Variants in PDZD2 observed in about 807,000 individuals in gnomAD.
PDZD2 encodes PDZ domain-containing protein 2.
A neutral mutation model predicts 220.7 loss-of-function variants in PDZD2; 90 were observed. That is an observed-to-expected ratio of 0.41 (90% CI 0.34 to 0.49). The LOEUF is 0.49. Ranked by LOEUF, PDZD2 falls within the 20% of genes least tolerant of loss-of-function variation. The pLI is 0.28. For missense variants in PDZD2, 3,174 were observed against 3,608.5 expected (o/e 0.88, Z 3.08); for synonymous variants, 1,375 against 1,450.5 (o/e 0.95, Z 1.18).
chr5:32,019,926 T>C (rs565869662), intron 6 of PDZD2, among the ~76,000 whole-genome samples: 1 of 152,222 alleles, frequency 6.6e-6, no homozygotes, highest in Non-Finnish European at 1.5e-5. Context: ...CTCACCCCTG[T>C]TCCAAATTTT....
At chr5:31,648,758 CT>C (rs1254239787) in intron 1 of PDZD2, among the ~76,000 whole-genome samples, 1 of 151,962 alleles carries the variant, frequency 6.6e-6, no homozygotes, top group Admixed American at 6.6e-5. Context: ...CCTCTTGCCC[CT>C]ACACATGCAG....
intron 2 of PDZD2, among the ~76,000 whole-genome samples, chr5:31,850,554 T>C (rs192170830): frequency 4.6e-5 from 7 of 151,746 alleles, no homozygotes; most frequent in Non-Finnish European, 8.8e-5. Context: ...GATTGCACAG[T>C]GTTATCAGAT....
intron 8 of PDZD2, among the ~76,000 whole-genome samples, chr5:32,049,808 A>G (rs1270187448): frequency 6.6e-6 from 1 of 152,202 alleles, no homozygotes; most frequent in Non-Finnish European, 1.5e-5. Flanking sequence ...GAGTAAAAGC[A>G]GAGAAAAAAC....
intron 1 of PDZD2, among the ~76,000 whole-genome samples, chr5:31,774,226 G>C (rs1389754973): frequency 1.3e-5 from 2 of 152,100 alleles, no homozygotes; most frequent in African/African-American, 4.8e-5. Context: ...TAGGTGGGTA[G>C]TTCAGATTTG....
intron 2 of PDZD2, among the ~76,000 whole-genome samples, chr5:31,880,000 G>A (rs79585565): frequency 3.6e-5 from 5 of 140,050 alleles, no homozygotes; most frequent in Middle Eastern, 3.4e-3. Flanking sequence ...CACAACCTCC[G>A]CCTCCCAGGT....
chr5:31,950,255 C>T (rs964482803), intron 2 of PDZD2, among the ~76,000 whole-genome samples: 20 of 152,272 alleles, frequency 1.3e-4, no homozygotes, highest in African/African-American at 2.6e-4. Context: ...CTGGCACTAG[C>T]ATTCTACGCT....
At chr5:31,964,784 C>T (rs574360328) in intron 2 of PDZD2, among the ~76,000 whole-genome samples, 2 of 152,200 alleles carry the variant, frequency 1.3e-5, no homozygotes, top group African/African-American at 4.8e-5. Flanking sequence ...GGCGCGATCT[C>T]GGCTCACTGC....
chr5:31,822,186 T>C (rs899440838), intron 2 of PDZD2, among the ~76,000 whole-genome samples: 2 of 152,154 alleles, frequency 1.3e-5, no homozygotes, highest in African/African-American at 4.8e-5. Context: ...GTAGAATGAG[T>C]TATAATCCTT....
At chr5:31,981,947 TATC>T (rs1219393657) in intron 2 of PDZD2, among the ~76,000 whole-genome samples, 2 of 152,212 alleles carry the variant, frequency 1.3e-5, no homozygotes, top group East Asian at 1.9e-4. Flanking sequence ...CTGGAGCAGT[TATC>T]ATGTCATGCT....
chr5:31,944,310 A>C (rs1422755682), intron 2 of PDZD2, among the ~76,000 whole-genome samples: 2 of 152,136 alleles, frequency 1.3e-5, no homozygotes, highest in Non-Finnish European at 1.5e-5. Context: ...ACTGGGGAAA[A>C]AATAAGAGCC....
intron 2 of PDZD2, among the ~76,000 whole-genome samples, chr5:31,846,886 CCTCT>C (rs1020131085): frequency 3.3e-5 from 5 of 152,120 alleles, no homozygotes; most frequent in African/African-American, 1.2e-4. Flanking sequence ...TAATTATGCC[CCTCT>C]CTGTTTACAG....
At chr5:31,978,097 A>T (rs1322153891) in intron 2 of PDZD2, among the ~76,000 whole-genome samples, 1 of 152,232 alleles carries the variant, frequency 6.6e-6, no homozygotes, top group Non-Finnish European at 1.5e-5. Flanking sequence ...AGTCAAATAA[A>T]TCTTAATTGA....
At chr5:31,882,283 G>A (rs941159877) in intron 2 of PDZD2, among the ~76,000 whole-genome samples, 2 of 152,256 alleles carry the variant, frequency 1.3e-5, no homozygotes, top group Non-Finnish European at 2.9e-5. Flanking sequence ...ACCTCCTTAA[G>A]TTCCCACAGT....
intron 3 of PDZD2, among the ~76,000 whole-genome samples, chr5:31,985,336 C>T (rs1273166039): frequency 1.3e-5 from 2 of 152,146 alleles, no homozygotes; most frequent in African/African-American, 4.8e-5. Context: ...GGTTGAATCT[C>T]ACATATAGTC....
At chr5:31,736,963 A>C (rs1393703205) in intron 1 of PDZD2, among the ~76,000 whole-genome samples, 1 of 151,682 alleles carries the variant, frequency 6.6e-6, no homozygotes, top group East Asian at 1.9e-4. Context: ...GCCTTCCACC[A>C]TGAGGCCTCC....
At chr5:32,024,023 C>T (rs908843702) in intron 6 of PDZD2, among the ~76,000 whole-genome samples, 1 of 152,244 alleles carries the variant, frequency 6.6e-6, no homozygotes, top group African/African-American at 2.4e-5. Flanking sequence ...GTAGCCAGCT[C>T]CATGATCAGA....
chr5:31,866,643 C>T (rs956394720), intron 2 of PDZD2, among the ~76,000 whole-genome samples: 4 of 152,210 alleles, frequency 2.6e-5, no homozygotes, highest in Admixed American at 6.5e-5. Context: ...TGCCAGCTGA[C>T]CTCATGTTGG....
chr5:31,692,371 G>T (rs553565116), intron 1 of PDZD2, among the ~76,000 whole-genome samples: 1 of 152,348 alleles, frequency 6.6e-6, no homozygotes, highest in South Asian at 2.1e-4. Context: ...GAAAGCTGAG[G>T]GAGCTAGCTC....
intron 1 of PDZD2, among the ~76,000 whole-genome samples, chr5:31,716,573 C>T (rs7731253): frequency 0.49 from 74,471 of 151,592 alleles, 18,322 homozygotes; most frequent in East Asian, 0.55. Context: ...GAGGCCAAGG[C>T]GGGCTGATCA....
Sources: gnomAD v4.1 joint callset for allele counts (sites outside exome capture counted in the v4.1 genomes callset) on GRCh38, gnomAD v4.1.1 for gene constraint, MANE v1.5 for transcripts, NCBI Gene and HGNC (gene_info 2026-07-23, HGNC 2026-07-21) for gene names.